DYNC2H1: variants seen among roughly 807,000 people sequenced by gnomAD.
DYNC2H1 encodes the protein dynein cytoplasmic 2 heavy chain 1, also known as cytoplasmic dynein 2 heavy chain 1.
Under a neutral mutation model 570.0 loss-of-function variants are expected in DYNC2H1, and 410 were observed. That is an observed-to-expected ratio of 0.72 (90% CI 0.66 to 0.78). The LOEUF is 0.78. Ranked by LOEUF, DYNC2H1 falls within the 30% of genes least tolerant of loss-of-function variation. The pLI, the probability that DYNC2H1 is intolerant of heterozygous loss-of-function variation, is 0.00. For missense variants in DYNC2H1, 4,865 were observed against 5,046.4 expected (o/e 0.96, Z 1.09); for synonymous variants, 1,688 against 1,677.6 (o/e 1.01, Z -0.15).
chr11:103,455,211 A>G lies in DYNC2H1; in HGVS notation c.12482A>G (p.Gln4161Arg). The G allele has an allele frequency of 2.5e-6, 4 of 1,613,332 alleles. No homozygotes were observed. The highest frequency in any genetic ancestry group is 1.7e-4 in the Middle Eastern group (1 of 6,060). The change falls in exon 86 of 89, where the codon CAG becomes CGG. Residue 4161 changes from glutamine (Q) to arginine (R), a missense_variant. Physicochemically the swap from Gln to Arg is conservative, Grantham distance 43. Coordinates refer to ENST00000375735, the MANE Select transcript of DYNC2H1 (RefSeq NM_001377.3). ...IQNWVDKAEK[Q>R]ALLSETLDLS... ...AACTGGGTAGATAAAGCTGAAAAACAGGCTCTTCTCTCTGAAACACTTGAC... is the reference window on the plus strand; with the variant it reads ...AACTGGGTAGATAAAGCTGAAAAACGGGCTCTTCTCTCTGAAACACTTGAC...
At chr11:103,376,841 T>C (rs938757401) in intron 83 of DYNC2H1, among the ~76,000 whole-genome samples, 2 of 152,248 alleles carry the variant, frequency 1.3e-5, no homozygotes, top group Non-Finnish European at 2.9e-5. Context: ...ACGAATTACC[T>C]CAGCTTTTAA....
chr11:103,288,930 T>C (rs1866474793), intron 75 of DYNC2H1, among the ~76,000 whole-genome samples: 1 of 149,016 alleles, frequency 6.7e-6, no homozygotes, highest in Non-Finnish European at 1.5e-5. Flanking sequence ...TCATGCAGCC[T>C]CGGGCTGCAA....
chr11:103,446,178 A>T lies in DYNC2H1; in HGVS notation c.12457-9008A>T, dbSNP rs1323050985. ...AAATGTCAGAGAAGTAATTGATGAGAAAGCTACTGGAATTGGAAATAGAAA... is the reference window on the plus strand; with the variant it reads ...AAATGTCAGAGAAGTAATTGATGAGTAAGCTACTGGAATTGGAAATAGAAA... On this transcript the variant is annotated intron_variant, in intron 85 of 88. Transcript: ENST00000375735. The surrounding 1 kb of genome is among the most constrained non-coding windows in gnomAD (Gnocchi z 4.5). 6.6e-6 allele frequency among the ~76,000 whole-genome samples: 1 copy of T among 152,164 alleles called. No individual in the cohort carries two copies. Among genetic ancestry groups the T allele is most frequent in the African/African-American group, 2.4e-5 (1 of 41,418 alleles).
At chr11:103,411,692 A>G (rs1943094635) in intron 84 of DYNC2H1, among the ~76,000 whole-genome samples, 1 of 151,998 alleles carries the variant, frequency 6.6e-6, no homozygotes, top group Non-Finnish European at 1.5e-5. Flanking sequence ...ATACATTTTT[A>G]ATTTTTATAT....
intron 17 of DYNC2H1, among the ~76,000 whole-genome samples, chr11:103,137,548 C>G (rs970902525): frequency 1.1e-4 from 17 of 151,926 alleles, no homozygotes; most frequent in Non-Finnish European, 2.2e-4. Flanking sequence ...GATAAGTGGC[C>G]TTATTTCTGA....
In DYNC2H1 at chr11:103,364,792, A is replaced by C. The variant is rs950595489; in HGVS notation, c.12156+6433A>C. Among the ~76,000 whole-genome samples the C allele has an allele frequency of 2.0e-5, 3 of 152,046 alleles. No individual in the cohort carries two copies. The South Asian group carries it at 6.2e-4, about 31-fold the overall frequency. On this transcript the variant is annotated intron_variant, in intron 83 of 88. Transcript: ENST00000375735. The stretch of plus-strand genomic sequence containing the variant: ...ACTGCCATCACTACCTCCTCCCCAC[A>C]GTCTCCACAGAGCCAGCTGTGAGAG...
At chr11:103,384,037 G>T (rs1012844418) in intron 83 of DYNC2H1, among the ~76,000 whole-genome samples, 2 of 152,054 alleles carry the variant, frequency 1.3e-5, no homozygotes, top group African/African-American at 4.8e-5. Flanking sequence ...TTTGAAATTT[G>T]TTGGGATTTG....
At chr11:103,447,802 GTTTT>G (rs1466819520) in intron 85 of DYNC2H1, among the ~76,000 whole-genome samples, 1 of 152,052 alleles carries the variant, frequency 6.6e-6, no homozygotes, top group Non-Finnish European at 1.5e-5. Context: ...GGGTAAAGTT[GTTTT>G]GTTTCTTCTC....
At chr11:103,459,564 G>A (rs1051274231) in intron 87 of DYNC2H1, among the ~76,000 whole-genome samples, 2 of 151,994 alleles carry the variant, frequency 1.3e-5, no homozygotes, top group Non-Finnish European at 2.9e-5. Context: ...CCTAGCATCG[G>A]CTACAATGGT....
In DYNC2H1 at chr11:103,187,479, G is replaced by A. The variant is rs1396142414; in HGVS notation, c.7033G>A (p.Val2345Ile). The change falls in exon 43 of 89, where the codon GTA becomes ATA. Residue 2345 changes from valine (V) to isoleucine (I), a missense_variant. Val to Ile is a conservative substitution (Grantham distance 29, BLOSUM62 3). This residue lies in a region of DYNC2H1 where 2,401 missense variants were observed against 2,454.6 expected (regional missense o/e 0.98). Coordinates refer to ENST00000375735, the MANE Select transcript of DYNC2H1 (RefSeq NM_001377.3). ...CMVISTNTGR[V>I]YRPKDCERLV... ...GGTAATCAGTACTAATACTGGTCGT[G>A]TATACAGACCAAAAGACTGTGAAAG... 2.5e-6 allele frequency: 4 copies of A among 1,613,206 alleles called. No homozygotes were observed. The highest frequency in any genetic ancestry group is 2.7e-5 in the African/African-American group (2 of 74,838).
intron 61 of DYNC2H1, among the ~76,000 whole-genome samples, chr11:103,235,147 A>G (rs764849413): frequency 6.6e-5 from 10 of 152,026 alleles, no homozygotes; most frequent in Non-Finnish European, 1.3e-4. Context: ...AATGCTTTCA[A>G]TGGCTCACGT....
intron 88 of DYNC2H1, among the ~76,000 whole-genome samples, chr11:103,469,933 A>G (rs1945319335): frequency 6.6e-6 from 1 of 152,206 alleles, no homozygotes; most frequent in Non-Finnish European, 1.5e-5. Flanking sequence ...TTAGGATGGC[A>G]GAGATAAATT....
At chr11:103,158,474 A>T (rs1349439482) in intron 26 of DYNC2H1, among the ~76,000 whole-genome samples, 3 of 152,154 alleles carry the variant, frequency 2.0e-5, no homozygotes, top group African/African-American at 7.2e-5. Context: ...TAGCTTAGCA[A>T]ATGAAATATA....
intron 28 of DYNC2H1, among the ~76,000 whole-genome samples, chr11:103,160,364 A>C (rs755827215): frequency 6.6e-6 from 1 of 152,112 alleles, no homozygotes; most frequent in Non-Finnish European, 1.5e-5. Flanking sequence ...GCTATTACGA[A>C]TAAAGCTGTT....
At chr11:103,471,217 G>A (rs747737651) in intron 88 of DYNC2H1, among the ~76,000 whole-genome samples, 87 of 152,136 alleles carry the variant, frequency 5.7e-4, no homozygotes, top group Middle Eastern at 3.2e-3. Flanking sequence ...ACTTGTACAT[G>A]ACATGTAATG....
At position 103,205,025 on chromosome 11, in the gene DYNC2H1, T is replaced by G; in HGVS notation, c.8454+61T>G. On this transcript the variant is annotated intron_variant, in intron 52 of 88. Coordinates refer to ENST00000375735, the MANE Select transcript of DYNC2H1 (RefSeq NM_001377.3). The surrounding 1 kb of genome is among the most constrained non-coding windows in gnomAD (Gnocchi z 4.5). ...ATTTTATTTTTGAAGTTATTGATTT[T>G]CACAACTTCTCTTTGGTGTTGGTTA... The G allele has an allele frequency of 6.8e-7, 1 of 1,460,626 alleles. No individual in the cohort carries two copies. The highest frequency in any genetic ancestry group is 9.3e-7 in the Non-Finnish European group (1 of 1,080,550). 90.5% of individuals were successfully genotyped at this position (1,460,626 alleles called of 1,614,324 possible).
At chr11:103,262,926 T>A (rs942569188) in intron 70 of DYNC2H1, among the ~76,000 whole-genome samples, 2 of 148,742 alleles carry the variant, frequency 1.3e-5, no homozygotes, top group Non-Finnish European at 3.0e-5. Context: ...TCAACACCCA[T>A]CGGTGTGCTG....
intron 87 of DYNC2H1, among the ~76,000 whole-genome samples, chr11:103,467,826 C>T (rs745436667): frequency 6.6e-6 from 1 of 152,130 alleles, no homozygotes; most frequent in Non-Finnish European, 1.5e-5. Context: ...TGTGAGCCAC[C>T]GCGCCCAGCC....
At chr11:103,141,685 G>A (rs1292542725) in intron 17 of DYNC2H1, among the ~76,000 whole-genome samples, 1 of 152,216 alleles carries the variant, frequency 6.6e-6, no homozygotes, top group Non-Finnish European at 1.5e-5. Flanking sequence ...TGAGGAGGCA[G>A]TCTGCCCGTT....
Sources: gnomAD v4.1 joint callset for allele counts (sites outside exome capture counted in the v4.1 genomes callset) on GRCh38, gnomAD v4.1.1 for gene constraint, gnomAD v4.1.1 regional missense constraint, Gnocchi (gnomAD v3.1) non-coding constraint, MANE v1.5 for transcripts, NCBI Gene and HGNC (gene_info 2026-07-23, HGNC 2026-07-21) for gene names.